The following HS2ST1 variants were observed in gnomAD, a reference collection of about 807,000 sequenced individuals.
The protein encoded by HS2ST1 is heparan sulfate 2-O-sulfotransferase 1, also known as 2-O-sulfotransferase.
HS2ST1 carries 18 observed loss-of-function variants against 42.9 expected under a neutral mutation model. The ratio of observed to expected loss-of-function variants is 0.42; its 90% CI spans 0.29 to 0.62. The LOEUF (loss-of-function observed/expected upper bound fraction) is 0.62, where lower values mean the gene tolerates loss of function less well. Ranked by LOEUF, HS2ST1 falls within the 20% of genes least tolerant of loss-of-function variation. The pLI is 0.21. For synonymous variants in HS2ST1, 146 were observed against 152.9 expected, an observed-to-expected ratio of 0.95 and a Z score of 0.33; for missense variants, 334 against 433.8, an observed-to-expected ratio of 0.77 and a Z score of 2.04.
chr1:87,049,212 AT>A (rs1489207257), intron 1 of HS2ST1, among the ~76,000 whole-genome samples: 1 of 151,988 alleles, frequency 6.6e-6, no homozygotes, highest in Non-Finnish European at 1.5e-5. Flanking sequence ...TGCTTATAAT[AT>A]TCTTTTATTG....
At chr1:86,934,048 T>G (rs982351942) in intron 1 of HS2ST1, among the ~76,000 whole-genome samples, 3 of 152,202 alleles carry the variant, frequency 2.0e-5, no homozygotes, top group Non-Finnish European at 4.4e-5. Context: ...AGTGAGCCTG[T>G]GTCTTTGGAC....
intron 1 of HS2ST1, among the ~76,000 whole-genome samples, chr1:86,922,964 T>G (rs1660331944): frequency 6.6e-6 from 1 of 152,126 alleles, no homozygotes; most frequent in Non-Finnish European, 1.5e-5. Context: ...ACACTTACAT[T>G]AGACCACATG....
intron 1 of HS2ST1, 70 bp from the exon 2 acceptor site, chr1:87,072,864 C>T: frequency 8.5e-6 from 9 of 1,054,734 alleles, no homozygotes; most frequent in South Asian, 1.4e-5. Flanking sequence ...AATCATGGTC[C>T]AAAGTTCAGT....
intron 1 of HS2ST1, among the ~76,000 whole-genome samples, chr1:86,976,892 G>A (rs1478866146): frequency 1.3e-5 from 2 of 151,250 alleles, no homozygotes; most frequent in African/African-American, 2.4e-5. Flanking sequence ...GCAGCATAGT[G>A]AGACTCTGTC....
chr1:86,943,885 G>A (rs953951576), intron 1 of HS2ST1, among the ~76,000 whole-genome samples: 7 of 152,074 alleles, frequency 4.6e-5, no homozygotes, highest in African/African-American at 1.7e-4. Flanking sequence ...AATTAGCTGG[G>A]CATGGTGGCG....
At chr1:87,061,718 G>T (rs948781316) in intron 1 of HS2ST1, among the ~76,000 whole-genome samples, 1 of 152,042 alleles carries the variant, frequency 6.6e-6, no homozygotes. Context: ...AAGTATTTGA[G>T]TACCTGTTTT....
chr1:87,030,196 A>G (rs1370734620), intron 1 of HS2ST1, among the ~76,000 whole-genome samples: 2 of 152,184 alleles, frequency 1.3e-5, no homozygotes, highest in Non-Finnish European at 2.9e-5. Context: ...ATTAGGAGAA[A>G]AAGATATACA....
intron 1 of HS2ST1, among the ~76,000 whole-genome samples, chr1:86,984,377 C>T (rs1248822036): frequency 6.6e-6 from 1 of 152,118 alleles, no homozygotes; most frequent in Non-Finnish European, 1.5e-5. Context: ...GCTTGGAATT[C>T]ATTTGGTTTC....
chr1:86,967,048 T>C (rs908247734), intron 1 of HS2ST1, among the ~76,000 whole-genome samples: 6 of 152,038 alleles, frequency 3.9e-5, no homozygotes, highest in African/African-American at 1.4e-4. Flanking sequence ...TATGCCACCA[T>C]GCCCAGCCGG....
At chr1:87,103,962 T>C (rs1458197952) in intron 6 of HS2ST1, among the ~76,000 whole-genome samples, 1 of 152,200 alleles carries the variant, frequency 6.6e-6, no homozygotes, top group Non-Finnish European at 1.5e-5. Flanking sequence ...AGCCGTATTA[T>C]CATGTGTCTG....
At chr1:86,970,534 G>T (rs1271466327) in intron 1 of HS2ST1, among the ~76,000 whole-genome samples, 2 of 152,038 alleles carry the variant, frequency 1.3e-5, no homozygotes, top group Admixed American at 6.6e-5. Flanking sequence ...CCAAGTTGCT[G>T]GGACTACAGG....
At chr1:87,077,356 T>C (rs1475814222) in intron 2 of HS2ST1, among the ~76,000 whole-genome samples, 1 of 152,206 alleles carries the variant, frequency 6.6e-6, no homozygotes, top group Non-Finnish European at 1.5e-5. Context: ...GCCTTGTGTT[T>C]CATTGAATAC....
chr1:86,976,677 G>T, intron 1 of HS2ST1, among the ~76,000 whole-genome samples: 2 of 64,654 alleles, frequency 3.1e-5, no homozygotes, highest in South Asian at 7.0e-4. Context: ...GAAACACTTT[G>T]TAAATCCATC....
chr1:86,951,295 A>G (rs568200747), intron 1 of HS2ST1, among the ~76,000 whole-genome samples: 1 of 152,318 alleles, frequency 6.6e-6, no homozygotes, highest in East Asian at 1.9e-4. Flanking sequence ...CCTTCTTAAC[A>G]TTCTGGTGAC....
chr1:86,987,528 A>T (rs1240977023), intron 1 of HS2ST1, among the ~76,000 whole-genome samples: 1 of 151,900 alleles, frequency 6.6e-6, no homozygotes, highest in Non-Finnish European at 1.5e-5. Context: ...TAAGGAGGTG[A>T]TAATAATGCT....
intron 1 of HS2ST1, among the ~76,000 whole-genome samples, chr1:86,992,167 C>G (rs1447276063): frequency 6.6e-6 from 1 of 151,408 alleles, no homozygotes; most frequent in African/African-American, 2.4e-5. Context: ...TCCTCCCACT[C>G]CCCATTCCAC....
chr1:87,047,211 C>T (rs537674340), intron 1 of HS2ST1, among the ~76,000 whole-genome samples: 21 of 152,168 alleles, frequency 1.4e-4, no homozygotes, highest in Non-Finnish European at 1.8e-4. Context: ...TAATGACAAA[C>T]GTCTTTCATC....
chr1:86,939,033 G>T (rs1379957318), intron 1 of HS2ST1, among the ~76,000 whole-genome samples: 6 of 152,148 alleles, frequency 3.9e-5, no homozygotes, highest in African/African-American at 7.2e-5. Flanking sequence ...TAGAAATACA[G>T]TTGTGAAGTG....
In HS2ST1 at chr1:87,109,330, A is replaced by G. The variant is rs1652414251; in HGVS notation, c.*4634A>G. The G allele has an allele frequency of 6.6e-6, 1 of 152,118 alleles. No individual in the cohort carries two copies. The highest frequency in any genetic ancestry group is 2.4e-5 in the African/African-American group (1 of 41,444). 9.4% of individuals were successfully genotyped at this position (152,118 alleles called of 1,614,324 possible). A position where few individuals can be genotyped will look rare whatever the true frequency, so the allele number is the denominator to read the frequency against. On this transcript the variant is annotated 3_prime_UTR_variant, in exon 7 of 7. Coordinates refer to ENST00000370550, the MANE Select transcript of HS2ST1 (RefSeq NM_012262.4). ...AACATCATTGGTTTCTAATGATTTT[A>G]TGGCTTGTGACAATATTTTATCTGG...
Sources: allele counts gnomAD v4.1 joint callset (sites outside exome capture counted in the v4.1 genomes callset), GRCh38; gene constraint gnomAD v4.1.1; transcripts MANE v1.5; gene names NCBI Gene and HGNC (gene_info 2026-07-23, HGNC 2026-07-21).